The following OR2T6 variants were observed in gnomAD, a reference collection of about 807,000 sequenced individuals.
The protein encoded by OR2T6 is olfactory receptor 2T6.
For synonymous variants in OR2T6, 174 were observed against 148.0 expected (o/e 1.18, Z -1.27); for missense variants, 424 against 391.6 (o/e 1.08, Z -0.70).
intron 1 of OR2T6, among the ~76,000 whole-genome samples, chr1:248,378,814 T>C (rs1660983025): frequency 6.6e-6 from 1 of 152,222 alleles, no homozygotes; most frequent in Non-Finnish European, 1.5e-5. Context: ...TTTAGTTTTA[T>C]AAATGTTCTC....
At chr1:248,378,477 A>G (rs1660976553) in intron 1 of OR2T6, among the ~76,000 whole-genome samples, 1 of 152,200 alleles carries the variant, frequency 6.6e-6, no homozygotes, top group South Asian at 2.1e-4. Context: ...TTCTTCATAT[A>G]TATAAACTCT....
chr1:248,377,852 T>C (rs1007202439), intron 1 of OR2T6, among the ~76,000 whole-genome samples: 1 of 152,232 alleles, frequency 6.6e-6, no homozygotes, highest in African/African-American at 2.4e-5. Context: ...AACCCAAAAC[T>C]TTCCAGGCTG....
At chr1:248,385,035 C>A (rs886791926) in intron 2 of OR2T6, among the ~76,000 whole-genome samples, 171 bp downstream of exon 2, 1 of 152,190 alleles carries the variant, frequency 6.6e-6, no homozygotes, top group Non-Finnish European at 1.5e-5. Context: ...CCTTCAAGAA[C>A]CTCCTTTGTT....
In OR2T6 at chr1:248,376,864, T is replaced by G. The variant is rs891874224; in HGVS notation, c.-159+810T>G. On this transcript the variant is annotated intron_variant, in intron 1 of 2. Transcript: ENST00000641644. ...TTGTTGCCATCTTTATGTCTATGAG[T>G]ATATAAATGTTGAGCTCTTATTCAT... Among the ~76,000 whole-genome samples, 13 of 152,320 alleles carry G rather than the reference T, an allele frequency of 8.5e-5. No homozygotes were observed. The South Asian group carries it at 2.1e-3, about 24-fold the overall frequency.
intron 1 of OR2T6, among the ~76,000 whole-genome samples, chr1:248,382,214 G>T (rs977272257): frequency 6.6e-6 from 1 of 152,196 alleles, no homozygotes; most frequent in African/African-American, 2.4e-5. Context: ...AATTTATCAG[G>T]AAGACACCTG....
At chr1:248,378,358 A>T (rs1445896068) in intron 1 of OR2T6, among the ~76,000 whole-genome samples, 1 of 152,204 alleles carries the variant, frequency 6.6e-6, no homozygotes, top group East Asian at 1.9e-4. Context: ...ATCATAAAAA[A>T]GTTTTCATAA....
chr1:248,379,714 C>A (rs116244598), intron 1 of OR2T6, among the ~76,000 whole-genome samples: 8,500 of 151,780 alleles, frequency 0.056, 643 homozygotes, highest in African/African-American at 0.18. Flanking sequence ...TAATTAATTC[C>A]ATTTTTTTGT....
chr1:248,382,249 G>A (rs1198816621), intron 1 of OR2T6, among the ~76,000 whole-genome samples: 1 of 152,200 alleles, frequency 6.6e-6, no homozygotes, highest in East Asian at 1.9e-4. Flanking sequence ...TTTAGCCTGT[G>A]TAGGTGACTG....
chr1:248,388,472 C>A lies in OR2T6; in HGVS notation c.864C>A (p.Leu288=). Residue 288 remains leucine, a synonymous_variant, in exon 3 of 3, where the codon CTC becomes CTA. Coordinates refer to ENST00000641644, the MANE Select transcript of OR2T6 (RefSeq NM_001005471.2). ...YTILTPLLNP[L]IYSLRNRDVM... ...TCCTCACACCCTTATTAAACCCTCT[C>A]ATCTACAGTCTGAGGAACAGGGATG... 1 of 1,606,486 alleles carries A rather than the reference C, an allele frequency of 6.2e-7. No individual in the cohort carries two copies. Among genetic ancestry groups the A allele is most frequent in the Non-Finnish European group, 8.5e-7 (1 of 1,176,154 alleles).
rs1373176786 is a variant in OR2T6, at chr1:248,390,076, T to C, written c.*1541T>C. Reference sequence around the variant, plus strand: ...CCCATGAGAACTGATCATGGAAGAGTGTGCTTGTTTGAGTCCTTATCTGGT... The same window carrying C: ...CCCATGAGAACTGATCATGGAAGAGCGTGCTTGTTTGAGTCCTTATCTGGT... On this transcript the variant is annotated 3_prime_UTR_variant, in exon 3 of 3. Transcript: ENST00000641644. The C allele has an allele frequency of 1.3e-5, 2 of 152,258 alleles. No individual in the cohort carries two copies. The highest frequency in any genetic ancestry group is 3.9e-4 in the East Asian group (2 of 5,178). The allele number at this position is 152,258 out of a possible 1,614,324, so 9.4% of individuals were successfully genotyped here. A position where few individuals can be genotyped will look rare whatever the true frequency, so the allele number is the denominator to read the frequency against.
At chr1:248,377,944 T>C (rs1246140850) in intron 1 of OR2T6, among the ~76,000 whole-genome samples, 1 of 152,208 alleles carries the variant, frequency 6.6e-6, no homozygotes, top group Non-Finnish European at 1.5e-5. Context: ...AAATATATTA[T>C]GTATATCTTT....
chr1:248,384,513 C>T (rs1661099954), intron 1 of OR2T6, among the ~76,000 whole-genome samples, 198 bp from the exon 2 acceptor site: 1 of 96,196 alleles, frequency 1.0e-5, no homozygotes, highest in Non-Finnish European at 2.1e-5. Flanking sequence ...GTGTGCTCAT[C>T]CTATCCTGAT....
intron 1 of OR2T6, among the ~76,000 whole-genome samples, chr1:248,377,457 C>T (rs1660955686): frequency 6.6e-6 from 1 of 152,168 alleles, no homozygotes; most frequent in Non-Finnish European, 1.5e-5. Context: ...TAGAGGATGA[C>T]TCTACCCTCA....
chr1:248,388,772 G>T lies in OR2T6; in HGVS notation c.*237G>T. The T allele has an allele frequency of 4.6e-6, 2 of 436,384 alleles. No individual in the cohort carries two copies. The allele number at this position is 436,384 out of a possible 1,614,324, so 27.0% of individuals were successfully genotyped here. A position where few individuals can be genotyped will look rare whatever the true frequency, so the allele number is the denominator to read the frequency against. ...CACCACTCATGTTTATTCTTCTTTT[G>T]TTTCTACTGATTCCAAGTCTTCTCT... On this transcript the variant is annotated 3_prime_UTR_variant, in exon 3 of 3. Transcript: ENST00000641644.
chr1:248,379,423 T>C (rs1249781558), intron 1 of OR2T6, among the ~76,000 whole-genome samples: 12 of 152,024 alleles, frequency 7.9e-5, no homozygotes, highest in Non-Finnish European at 1.5e-4. Context: ...ATTGACAGAG[T>C]GCTGCAGAGT....
At position 248,389,684 on chromosome 1, in the gene OR2T6, T is replaced by C. The variant is rs6656568; in HGVS notation, c.*1149T>C. ...CTTTTCATTCACTTGGTAGTCAGCG[T>C]TGTGGGCACACAGACTCAAGCCACT... On this transcript the variant is annotated 3_prime_UTR_variant, in exon 3 of 3. Transcript: ENST00000641644. The C allele has an allele frequency of 0.25, 38,329 of 152,134 alleles. 5,737 individuals carry two copies. The highest frequency in any genetic ancestry group is 0.43 in the East Asian group (2,235 of 5,162). 9.4% of individuals were successfully genotyped at this position (152,134 alleles called of 1,614,324 possible).
intron 1 of OR2T6, among the ~76,000 whole-genome samples, chr1:248,381,721 A>C (rs189227548): frequency 6.4e-4 from 98 of 152,158 alleles, no homozygotes; most frequent in Non-Finnish European, 1.1e-3. Context: ...GCAATAAGGC[A>C]ATCATATTTA....
At chr1:248,379,642 G>A (rs1426887376) in intron 1 of OR2T6, among the ~76,000 whole-genome samples, 2 of 151,950 alleles carry the variant, frequency 1.3e-5, no homozygotes, top group African/African-American at 2.4e-5. Flanking sequence ...ATGTGAACTT[G>A]GTTTATAATT....
chr1:248,382,244 C>T (rs1202159064), intron 1 of OR2T6, among the ~76,000 whole-genome samples: 2 of 152,116 alleles, frequency 1.3e-5, no homozygotes, highest in African/African-American at 4.8e-5. Context: ...TGAATTTTAG[C>T]CTGTGTAGGT....
Sources: gnomAD v4.1 joint callset for allele counts (sites outside exome capture counted in the v4.1 genomes callset) on GRCh38, gnomAD v4.1.1 for gene constraint, MANE v1.5 for transcripts, NCBI Gene and HGNC (gene_info 2026-07-23, HGNC 2026-07-21) for gene names.